The following ITPR2 variants were observed in gnomAD, a reference collection of about 807,000 sequenced individuals.
ITPR2 encodes the protein inositol 1,4,5-trisphosphate-gated calcium channel ITPR2.
In ITPR2, 207 loss-of-function variants were observed where a neutral mutation model predicts 317.1. That is an observed-to-expected ratio of 0.65 (90% CI 0.58 to 0.73). The LOEUF is 0.73. ITPR2 is among the 30% of genes least tolerant of loss of function. The probability of loss-of-function intolerance (pLI) is 0.00; values close to 1 mark genes in which losing one functional copy is unlikely to be tolerated. For synonymous variants in ITPR2, 1,156 were observed against 1,149.1 expected, an observed-to-expected ratio of 1.01 and a Z score of -0.12; for missense variants, 2,613 against 3,284.0, an observed-to-expected ratio of 0.80 and a Z score of 4.99.
At chr12:26,754,491 T>A (rs1263906872) in intron 2 of ITPR2, among the ~76,000 whole-genome samples, 1 of 152,226 alleles carries the variant, frequency 6.6e-6, no homozygotes, top group Non-Finnish European at 1.5e-5. Flanking sequence ...GAGTTAACAT[T>A]GTTACATGTA....
At chr12:26,537,527 T>C (rs1233728123) in intron 37 of ITPR2, among the ~76,000 whole-genome samples, 1 of 152,226 alleles carries the variant, frequency 6.6e-6, no homozygotes, top group Admixed American at 6.5e-5. Flanking sequence ...ACTCAATACC[T>C]GGGATGGAGT....
At chr12:26,365,319 T>C (rs1938974134) in intron 55 of ITPR2, among the ~76,000 whole-genome samples, 1 of 152,232 alleles carries the variant, frequency 6.6e-6, no homozygotes. Context: ...TAGGGCATTG[T>C]ATATTTCCCA....
chr12:26,630,996 T>A (rs2136832229), intron 22 of ITPR2, among the ~76,000 whole-genome samples: 1 of 152,300 alleles, frequency 6.6e-6, no homozygotes, highest in African/African-American at 2.4e-5. Context: ...TTTATGATTA[T>A]AAATCTAATT....
At chr12:26,597,670 TAAA>T (rs749542522) in intron 30 of ITPR2, among the ~76,000 whole-genome samples, 20 of 152,056 alleles carry the variant, frequency 1.3e-4, no homozygotes, top group Non-Finnish European at 2.5e-4. Context: ...AGTAGAAAAC[TAAA>T]ACCAAAAAAC....
chr12:26,535,106 T>C (rs1565587020), intron 37 of ITPR2, among the ~76,000 whole-genome samples: 1 of 152,184 alleles, frequency 6.6e-6, no homozygotes, highest in Non-Finnish European at 1.5e-5. Flanking sequence ...TTGATTTTTA[T>C]GTAACATAAA....
intron 39 of ITPR2, among the ~76,000 whole-genome samples, chr12:26,491,845 T>C (rs1228391709): frequency 6.6e-6 from 1 of 152,172 alleles, no homozygotes; most frequent in East Asian, 1.9e-4. Flanking sequence ...AGTGCGTGTA[T>C]GGAGAGCAAC....
At chr12:26,470,323 A>G (rs1942267434) in intron 45 of ITPR2, among the ~76,000 whole-genome samples, 2 of 152,192 alleles carry the variant, frequency 1.3e-5, no homozygotes, top group Non-Finnish European at 1.5e-5. Flanking sequence ...AATTCATTAC[A>G]CACCAGAAGA....
At chr12:26,349,795 C>G (rs1279653681) in intron 55 of ITPR2, among the ~76,000 whole-genome samples, 1 of 152,124 alleles carries the variant, frequency 6.6e-6, no homozygotes, top group South Asian at 2.1e-4. Flanking sequence ...GGCCTAGGAG[C>G]CTTCCAGGGA....
At chr12:26,563,058 A>G (rs987853935) in intron 34 of ITPR2, among the ~76,000 whole-genome samples, 1 of 152,236 alleles carries the variant, frequency 6.6e-6, no homozygotes, top group African/African-American at 2.4e-5. Context: ...AAATAATAAC[A>G]GCTGAAGAGC....
intron 9 of ITPR2, 150 bp downstream of exon 9, chr12:26,711,023 T>C (rs1226726504): frequency 5.3e-6 from 3 of 566,352 alleles, no homozygotes; most frequent in Admixed American, 6.3e-5. Flanking sequence ...ATTTTAAAAA[T>C]AATTTATATG....
intron 32 of ITPR2, among the ~76,000 whole-genome samples, chr12:26,586,001 C>G (rs529316352): frequency 6.6e-6 from 1 of 152,188 alleles, no homozygotes; most frequent in African/African-American, 2.4e-5. Flanking sequence ...ATTTCCTGTT[C>G]TATAAATCAT....
intron 45 of ITPR2, among the ~76,000 whole-genome samples, chr12:26,469,337 G>A (rs1398403735): frequency 6.6e-6 from 1 of 152,106 alleles, no homozygotes; most frequent in Admixed American, 6.5e-5. Context: ...TAGCTGGCTG[G>A]GGGTAGGTTC....
chr12:26,536,221 T>C (rs1418739350), intron 37 of ITPR2, among the ~76,000 whole-genome samples: 1 of 152,200 alleles, frequency 6.6e-6, no homozygotes, highest in African/African-American at 2.4e-5. Context: ...ATAATCCAAA[T>C]AACTCAATCT....
rs746256814 is a variant in ITPR2 at position 26,580,048 on chromosome 12, T to C, written c.4488A>G (p.Ser1496=). Residue 1496 remains serine (S), a synonymous_variant, in exon 33 of 57, where the codon TCA becomes TCG. Coordinates refer to ENST00000381340, the MANE Select transcript of ITPR2 (RefSeq NM_002223.4). ...TTACCTGGAGGCTGGTACTATTGTCTGAAAAGGGAGAATTAAAGAAGCCGC... is the reference window on the plus strand; with the variant it reads ...TTACCTGGAGGCTGGTACTATTGTCCGAAAAGGGAGAATTAAAGAAGCCGC... ...IVSGFFNSPF[S]DNSTSLQTHQ... The C allele has an allele frequency of 2.5e-6, 4 of 1,611,968 alleles. No homozygotes were observed. Among genetic ancestry groups the C allele is most frequent in the Non-Finnish European group, 3.4e-6 (4 of 1,178,614 alleles).
intron 49 of ITPR2, among the ~76,000 whole-genome samples, chr12:26,422,115 ATAAC>A (rs1280951517): frequency 6.6e-6 from 1 of 150,590 alleles, no homozygotes; most frequent in African/African-American, 2.4e-5. Context: ...TAATTACTAA[ATAAC>A]TAAATTATTT....
intron 1 of ITPR2, among the ~76,000 whole-genome samples, chr12:26,793,352 G>A (rs1048506967): frequency 6.6e-6 from 1 of 152,028 alleles, no homozygotes; most frequent in Non-Finnish European, 1.5e-5. Context: ...AATCATTTGG[G>A]GAGTTAAAAA....
At chr12:26,789,222 T>C (rs1950304540) in intron 2 of ITPR2, among the ~76,000 whole-genome samples, 1 of 152,192 alleles carries the variant, frequency 6.6e-6, no homozygotes, top group African/African-American at 2.4e-5. Flanking sequence ...TGTCAGTTTC[T>C]CTGCAAGGAT....
chr12:26,386,716 T>C (rs1396688092), intron 55 of ITPR2, among the ~76,000 whole-genome samples: 6 of 152,166 alleles, frequency 3.9e-5, no homozygotes. Context: ...ATTATAAAAA[T>C]GCAAACATTT....
chr12:26,441,766 T>C (rs1450747386), intron 46 of ITPR2, among the ~76,000 whole-genome samples: 1 of 152,136 alleles, frequency 6.6e-6, no homozygotes, highest in Admixed American at 6.6e-5. Flanking sequence ...CAAACTTCAC[T>C]CTCTCCTAGC....
Sources: allele counts gnomAD v4.1 joint callset (sites outside exome capture counted in the v4.1 genomes callset), GRCh38; gene constraint gnomAD v4.1.1; transcripts MANE v1.5; gene names NCBI Gene and HGNC (gene_info 2026-07-23, HGNC 2026-07-21).